CLSTN2: variants seen among roughly 807,000 people sequenced by gnomAD.
The protein encoded by CLSTN2 is calsyntenin 2.
Under a neutral mutation model 101.2 loss-of-function variants are expected in CLSTN2, and 48 were observed. That is an observed-to-expected ratio of 0.47 (90% CI 0.38 to 0.60). The LOEUF is 0.60. Ranked by LOEUF, CLSTN2 falls within the 20% of genes least tolerant of loss-of-function variation. CLSTN2 has a pLI of 0.00. For synonymous variants in CLSTN2, 481 were observed against 463.6 expected, an observed-to-expected ratio of 1.04 and a Z score of -0.48; for missense variants, 1,160 against 1,238.2, an observed-to-expected ratio of 0.94 and a Z score of 0.95.
chr3:140,554,887 G>A (rs1436332884), intron 10 of CLSTN2, among the ~76,000 whole-genome samples: 1 of 152,146 alleles, frequency 6.6e-6, no homozygotes, highest in African/African-American at 2.4e-5. Context: ...GATACATTAT[G>A]TATGAGGTAC....
intron 2 of CLSTN2, among the ~76,000 whole-genome samples, chr3:140,296,625 T>C (rs1178872287): frequency 6.6e-6 from 1 of 152,244 alleles, no homozygotes; most frequent in African/African-American, 2.4e-5. Context: ...TATAAATTAA[T>C]GATTCTGCCT....
chr3:140,175,687 C>T (rs1057473408), intron 1 of CLSTN2, among the ~76,000 whole-genome samples: 1 of 152,060 alleles, frequency 6.6e-6, no homozygotes, highest in Non-Finnish European at 1.5e-5. Context: ...GTGAAGAATC[C>T]GTGGTCTTAG....
At chr3:140,526,348 G>A (rs375319774) in intron 8 of CLSTN2, among the ~76,000 whole-genome samples, 97 of 151,958 alleles carry the variant, frequency 6.4e-4, no homozygotes, top group South Asian at 3.3e-3. Flanking sequence ...CTAAGAATTC[G>A]TCTAACCAAG....
intron 1 of CLSTN2, among the ~76,000 whole-genome samples, chr3:140,157,102 C>T (rs996869061): frequency 6.6e-5 from 10 of 152,108 alleles, no homozygotes; most frequent in African/African-American, 2.2e-4. Flanking sequence ...GGAAGCATCG[C>T]TGCTCAGAAC....
intron 7 of CLSTN2, among the ~76,000 whole-genome samples, chr3:140,463,241 T>C (rs1484214162): frequency 1.3e-5 from 2 of 152,224 alleles, no homozygotes; most frequent in African/African-American, 4.8e-5. Flanking sequence ...TCCCCTGGCA[T>C]GCAGCCCTTT....
At chr3:140,408,014 ACAAT>A (rs1275629648) in intron 4 of CLSTN2, among the ~76,000 whole-genome samples, 12 of 152,242 alleles carry the variant, frequency 7.9e-5, no homozygotes, top group Non-Finnish European at 1.3e-4. Context: ...CCGACAAAGT[ACAAT>A]CAGACAGCTA....
chr3:139,962,641 A>T (rs1009672649), intron 1 of CLSTN2, among the ~76,000 whole-genome samples: 2 of 152,246 alleles, frequency 1.3e-5, no homozygotes, highest in African/African-American at 4.8e-5. Context: ...ACATTTAAAA[A>T]TTTGGATTAA....
chr3:140,392,050 A>G (rs561771387), intron 2 of CLSTN2, among the ~76,000 whole-genome samples: 5 of 152,140 alleles, frequency 3.3e-5, no homozygotes, highest in South Asian at 2.1e-4. Context: ...TGAGCATAAA[A>G]GAGAATAATT....
At chr3:140,077,241 C>A (rs541900797) in intron 1 of CLSTN2, among the ~76,000 whole-genome samples, 1 of 152,298 alleles carries the variant, frequency 6.6e-6, no homozygotes, top group African/African-American at 2.4e-5. Context: ...CCAGTCCTAG[C>A]TCTCTTCTGG....
chr3:140,398,247 G>A (rs2088204177), intron 2 of CLSTN2, among the ~76,000 whole-genome samples: 1 of 152,058 alleles, frequency 6.6e-6, no homozygotes, highest in African/African-American at 2.4e-5. Context: ...GGTGTTTAAA[G>A]TGCACTTTCC....
At chr3:140,460,645 G>A (rs970597418) in intron 7 of CLSTN2, among the ~76,000 whole-genome samples, 1 of 152,130 alleles carries the variant, frequency 6.6e-6, no homozygotes, top group Admixed American at 6.6e-5. Flanking sequence ...GAACTAGAAT[G>A]TCAGCTTAGA....
chr3:140,557,874 T>C (rs1656966240), intron 11 of CLSTN2, among the ~76,000 whole-genome samples: 1 of 152,242 alleles, frequency 6.6e-6, no homozygotes, highest in Admixed American at 6.5e-5. Flanking sequence ...AATCAACCAG[T>C]GCTTACTGAG....
At chr3:140,506,831 A>G (rs559914867) in intron 8 of CLSTN2, 1 of 152,374 alleles carries the variant, frequency 6.6e-6, no homozygotes, top group African/African-American at 2.4e-5. Flanking sequence ...TGGAAAGAGT[A>G]CAAAAACAGA....
At chr3:140,536,709 T>C (rs1320044454) in intron 9 of CLSTN2, among the ~76,000 whole-genome samples, 1 of 152,208 alleles carries the variant, frequency 6.6e-6, no homozygotes, top group Non-Finnish European at 1.5e-5. Flanking sequence ...GGAAAAATTC[T>C]TAAGATCTTT....
chr3:139,940,708 C>T (rs552765756), intron 1 of CLSTN2, among the ~76,000 whole-genome samples: 8 of 152,138 alleles, frequency 5.3e-5, no homozygotes, highest in South Asian at 4.1e-4. Context: ...TGCATACACA[C>T]GCATTTGGCT....
At chr3:139,967,648 C>T (rs1010210761) in intron 1 of CLSTN2, among the ~76,000 whole-genome samples, 1 of 152,156 alleles carries the variant, frequency 6.6e-6, no homozygotes, top group Non-Finnish European at 1.5e-5. Context: ...TCTGTTTCCC[C>T]TCCTGTTTTA....
chr3:140,357,276 G>A (rs1252452191), intron 2 of CLSTN2, among the ~76,000 whole-genome samples: 1 of 152,086 alleles, frequency 6.6e-6, no homozygotes, highest in Non-Finnish European at 1.5e-5. Context: ...TTCTAAAGTT[G>A]CAACAATGGT....
At chr3:140,258,789 A>G (rs185752969) in intron 2 of CLSTN2, among the ~76,000 whole-genome samples, 1,587 of 152,288 alleles carry the variant, frequency 0.01, 20 homozygotes, top group South Asian at 0.05. Flanking sequence ...CACTGGCCAT[A>G]TAATTATCAG....
chr3:140,103,191 GC>G (rs1346611642), intron 1 of CLSTN2, among the ~76,000 whole-genome samples: 2 of 152,172 alleles, frequency 1.3e-5, no homozygotes, highest in Non-Finnish European at 1.5e-5. Context: ...TAAGGTTGCA[GC>G]AGCTGGGCAG....
Sources: allele counts gnomAD v4.1 joint callset (sites outside exome capture counted in the v4.1 genomes callset), GRCh38; gene constraint gnomAD v4.1.1; transcripts MANE v1.5; gene names NCBI Gene and HGNC (gene_info 2026-07-23, HGNC 2026-07-21).